Variants in SVEP1 observed in about 807,000 individuals in gnomAD.
SVEP1 encodes sushi, von Willebrand factor type A, EGF and pentraxin domain-containing protein 1.
In SVEP1, 164 loss-of-function variants were observed where a neutral mutation model predicts 367.3. That is an observed-to-expected ratio of 0.45 (90% CI 0.39 to 0.51). The LOEUF (loss-of-function observed/expected upper bound fraction) is 0.51, where lower values mean the gene tolerates loss of function less well. Among genes scored for constraint, SVEP1 ranks in the 20% least tolerant of loss-of-function variants. The probability of loss-of-function intolerance (pLI) is 0.00; values close to 1 mark genes in which losing one functional copy is unlikely to be tolerated. For missense variants in SVEP1, 4,117 were observed against 4,425.3 expected, an observed-to-expected ratio of 0.93 and a Z score of 1.98; for synonymous variants, 1,666 against 1,611.6, an observed-to-expected ratio of 1.03 and a Z score of -0.81.
chr9:110,501,678 C>T (rs1044506607), intron 6 of SVEP1, among the ~76,000 whole-genome samples: 2 of 152,092 alleles, frequency 1.3e-5, no homozygotes, highest in Non-Finnish European at 2.9e-5. Context: ...CCATAAGTGG[C>T]TGCAGATTTC....
At position 110,561,854 on chromosome 9, in the gene SVEP1, C is replaced by T. The variant is rs1830435750; in HGVS notation, c.532-11750G>A. ...ATGCTTCATTTATTTTAAGTATTTACTTGGGCTTCATAGACTGAGAGTCTA... is the reference window on the plus strand; with the variant it reads ...ATGCTTCATTTATTTTAAGTATTTATTTGGGCTTCATAGACTGAGAGTCTA... On this transcript the variant is annotated intron_variant, in intron 1 of 47. Coordinates refer to ENST00000374469, the MANE Select transcript of SVEP1 (RefSeq NM_153366.4). 2.0e-5 allele frequency among the ~76,000 whole-genome samples: 3 copies of T among 152,164 alleles called. No individual in the cohort carries two copies. In the South Asian group the frequency reaches 6.2e-4, roughly 32 times the overall value.
At chr9:110,504,968 G>T (rs997045191) in intron 5 of SVEP1, among the ~76,000 whole-genome samples, 1 of 152,092 alleles carries the variant, frequency 6.6e-6, no homozygotes, top group African/African-American at 2.4e-5. Context: ...TTGTGACATG[G>T]TTTTCTTCAT....
intron 8 of SVEP1, among the ~76,000 whole-genome samples, chr9:110,496,476 G>T (rs1829448204): frequency 6.6e-6 from 1 of 152,160 alleles, no homozygotes; most frequent in Non-Finnish European, 1.5e-5. Flanking sequence ...TTGGACTTTT[G>T]TACTTATATC....
chr9:110,410,015 T>A (rs61259796), intron 37 of SVEP1, among the ~76,000 whole-genome samples: 32,447 of 114,910 alleles, frequency 0.28, 3,669 homozygotes, highest in Middle Eastern at 0.36. Context: ...TTATTAAATT[T>A]ATAAATGAAC....
chr9:110,389,481 CCTCAGTGTCATTTTGGGGG>C (rs1827591365), intron 41 of SVEP1, 24 bp downstream of exon 41: 4 of 1,602,550 alleles, frequency 2.5e-6, no homozygotes, highest in African/African-American at 1.3e-5. Context: ...TATTTTGTGT[CCTCAGTGTCATTTTGGGGG>C]CTGCTAAGTG....
chr9:110,442,472 T>G (rs909683560), intron 27 of SVEP1: 1 of 151,366 alleles, frequency 6.6e-6, no homozygotes, highest in South Asian at 2.1e-4. Flanking sequence ...TTTTTTTTTT[T>G]TTTTTTGAGA....
Position 110,449,782 on chromosome 9 carries a change from C to T in SVEP1, c.4103+277G>A, listed in dbSNP as rs375629970. On this transcript the variant is annotated intron_variant, in intron 24 of 47. Coordinates refer to ENST00000374469, the MANE Select transcript of SVEP1 (RefSeq NM_153366.4). ...AGTAATTATATTTCATCTTTTATGA[C>T]TTCCCAAGTATAGAACGTTAGTTCC... Among the ~76,000 whole-genome samples the T allele has an allele frequency of 1.6e-4, 25 of 152,312 alleles. No homozygotes were observed. The South Asian group carries it at 5.2e-3, about 32-fold the overall frequency.
In SVEP1 at chr9:110,435,049, A is replaced by T. The variant is rs996915245; in HGVS notation, c.4888+192T>A. ...ATTTCCTAATTATATTTTGTTATAC[A>T]GAATATATTTTTGCATTAAAAAAAC... On this transcript the variant is annotated intron_variant, in intron 29 of 47. Coordinates refer to ENST00000374469, the MANE Select transcript of SVEP1 (RefSeq NM_153366.4). 7.5e-4 allele frequency among the ~76,000 whole-genome samples: 114 copies of T among 152,174 alleles called. 1 individual carries two copies. Among genetic ancestry groups the T allele is most frequent in the African/African-American group, 2.7e-3 (111 of 41,436 alleles).
chr9:110,457,162 A>G, intron 21 of SVEP1, 94 bp downstream of exon 21: 2 of 1,018,220 alleles, frequency 2.0e-6, no homozygotes, highest in Non-Finnish European at 2.8e-6. Flanking sequence ...AATGTATCTT[A>G]TCGGATATAG....
rs879673663 is a variant in SVEP1, at chr9:110,537,843, AT to A, written c.964+8271del. On this transcript the variant is annotated intron_variant, in intron 3 of 47. Coordinates refer to ENST00000374469, the MANE Select transcript of SVEP1 (RefSeq NM_153366.4). ...TCAACGAGGGATTTGTAAATTTTCC[AT>A]TTTTTTTTTTAGGGGTTACATGAGC... Among the ~76,000 whole-genome samples, 727 of 146,086 alleles carry A rather than the reference AT, an allele frequency of 5.0e-3. 2 individuals are homozygous for A. Among genetic ancestry groups the A allele is most frequent in the African/African-American group, 0.015 (589 of 40,176 alleles).
chr9:110,572,182 T>C (rs1253716923), intron 1 of SVEP1, among the ~76,000 whole-genome samples: 1 of 152,216 alleles, frequency 6.6e-6, no homozygotes, highest in Non-Finnish European at 1.5e-5. Context: ...TGGCATTTAC[T>C]TAGCTATGTG....
At chr9:110,384,015 A>C (rs570740450) in intron 43 of SVEP1, among the ~76,000 whole-genome samples, 2 of 151,916 alleles carry the variant, frequency 1.3e-5, no homozygotes, top group South Asian at 4.2e-4. Flanking sequence ...CTCTTCCCCC[A>C]GAAGCTCAGT....
chr9:110,442,638 C>CA (rs1828527067), intron 27 of SVEP1: 1 of 145,850 alleles, frequency 6.9e-6, no homozygotes, highest in South Asian at 2.4e-4. Flanking sequence ...TTTTTCTGTG[C>CA]GTTTTTAGTA....
chr9:110,378,003 G>A (rs1476244510), intron 44 of SVEP1, among the ~76,000 whole-genome samples: 1 of 152,194 alleles, frequency 6.6e-6, no homozygotes, highest in East Asian at 1.9e-4. Flanking sequence ...CATGTAGCAT[G>A]ATGTCCTCCA....
chr9:110,557,685 C>A (rs1830372188), intron 1 of SVEP1, among the ~76,000 whole-genome samples: 1 of 152,092 alleles, frequency 6.6e-6, no homozygotes. Context: ...TTCCAACAAA[C>A]AATGAACAAC....
intron 3 of SVEP1, among the ~76,000 whole-genome samples, chr9:110,522,107 C>A (rs963156733): frequency 6.6e-6 from 1 of 152,092 alleles, no homozygotes; most frequent in African/African-American, 2.4e-5. Context: ...TCTTCATTTT[C>A]ACTGGGTATT....
chr9:110,554,970 G>A (rs555731817), intron 1 of SVEP1, among the ~76,000 whole-genome samples: 77 of 152,158 alleles, frequency 5.1e-4, no homozygotes, highest in South Asian at 1.2e-3. Flanking sequence ...TTCCATATTC[G>A]AAGGGTAACT....
Position 110,385,879 on chromosome 9 carries a change from C to A in SVEP1, c.10237+19G>T, listed in dbSNP as rs375995245. The A allele has an allele frequency of 3.9e-5, 62 of 1,608,462 alleles. No homozygotes were observed. The African/African-American group carries it at 6.0e-4, about 16-fold the overall frequency. On this transcript the variant is annotated intron_variant, in intron 43 of 47. Coordinates refer to ENST00000374469, the MANE Select transcript of SVEP1 (RefSeq NM_153366.4). ...ATTTCGCACTAGCGGCATGAACTGGCTTCCGCCTGCTGACTTACTTTCACA... is the reference window on the plus strand; with the variant it reads ...ATTTCGCACTAGCGGCATGAACTGGATTCCGCCTGCTGACTTACTTTCACA...
In SVEP1 at chr9:110,412,018, A is replaced by G. The variant is rs959620624; in HGVS notation, c.5976-283T>C. On this transcript the variant is annotated intron_variant, in intron 36 of 47. Coordinates refer to ENST00000374469, the MANE Select transcript of SVEP1 (RefSeq NM_153366.4). ...GAATATTGAGCTTATTGATCAAATG[A>G]CTTGCATTTGAGATATATCAATACA... Among the ~76,000 whole-genome samples the G allele has an allele frequency of 5.3e-5, 8 of 152,308 alleles. No individual in the cohort carries two copies. In the East Asian group the frequency reaches 9.6e-4, roughly 18 times the overall value.
Sources: gnomAD v4.1 joint callset for allele counts (sites outside exome capture counted in the v4.1 genomes callset) on GRCh38, gnomAD v4.1.1 for gene constraint, MANE v1.5 for transcripts, NCBI Gene and HGNC (gene_info 2026-07-23, HGNC 2026-07-21) for gene names.